Variants in UTP20 observed in about 807,000 individuals in gnomAD.
The protein encoded by UTP20 is UTP20 small subunit processome component, also known as small subunit processome component 20 homolog.
UTP20 carries 164 observed loss-of-function variants against 329.5 expected under a neutral mutation model. The ratio of observed to expected loss-of-function variants is 0.50; its 90% confidence interval spans 0.44 to 0.57. The LOEUF (loss-of-function observed/expected upper bound fraction) is 0.57. UTP20 is among the 20% of genes least tolerant of loss of function. The pLI, the probability that UTP20 is intolerant of heterozygous loss-of-function variation, is 0.00. For missense variants in UTP20, 3,055 were observed against 3,284.2 expected, an observed-to-expected ratio of 0.93 and a Z score of 1.71; for synonymous variants, 1,151 against 1,159.3, an observed-to-expected ratio of 0.99 and a Z score of 0.14.
chr12:101,334,863 A>C (rs1439619269), intron 29 of UTP20, among the ~76,000 whole-genome samples: 1 of 152,028 alleles, frequency 6.6e-6, no homozygotes, highest in Non-Finnish European at 1.5e-5. Context: ...AGTTCCAGCT[A>C]CTTGGAGGCT....
At chr12:101,284,625 A>G (rs1163090334) in intron 2 of UTP20, among the ~76,000 whole-genome samples, 1 of 152,136 alleles carries the variant, frequency 6.6e-6, no homozygotes, top group Non-Finnish European at 1.5e-5. Flanking sequence ...CTATATACAC[A>G]CATACGTACA....
At position 101,342,830 on chromosome 12, in the gene UTP20, T is replaced by G; in HGVS notation, c.4289T>G (p.Val1430Gly). Reference protein sequence around the residue: ...FESGLKYITDVVKLNAFDQRH... With the variant: ...FESGLKYITDGVKLNAFDQRH... ...AGTGGGTTAAAATATATTACTGATG[T>G]TGTCAAGGTAAGAAAGAAGGGTTTC... The change falls in exon 34 of 62, where the codon GTT becomes GGT. Residue 1430 changes from valine (V) to glycine (G), a missense_variant. Coordinates refer to ENST00000261637, the MANE Select transcript of UTP20 (RefSeq NM_014503.3). 1 of 1,613,406 alleles carries G rather than the reference T, an allele frequency of 6.2e-7. No homozygotes were observed. The highest frequency in any genetic ancestry group is 8.5e-7 in the Non-Finnish European group (1 of 1,179,722).
chr12:101,297,099 T>C (rs1323720187), intron 12 of UTP20, among the ~76,000 whole-genome samples: 1 of 152,182 alleles, frequency 6.6e-6, no homozygotes, highest in Non-Finnish European at 1.5e-5. Context: ...ATACTCGACT[T>C]TGAAACATCC....
Position 101,338,892 on chromosome 12 carries a change from C to A in UTP20, c.3948C>A (p.Ser1316Arg). 6.2e-7 allele frequency: 1 copy of A among 1,611,082 alleles called. No individual in the cohort carries two copies. The highest frequency in any genetic ancestry group is 1.1e-5 in the South Asian group (1 of 90,600). Residue 1316 changes from serine (S) to arginine (R), a missense_variant, in exon 31 of 62, where the codon AGC (serine) becomes AGA (arginine). Ser to Arg is a moderately radical substitution (Grantham distance 110). Coordinates refer to ENST00000261637, the MANE Select transcript of UTP20 (RefSeq NM_014503.3). The stretch of plus-strand genomic sequence containing the variant: ...AGTATCTCAGCAAAACCACAATAAG[C>A]GCAGAAAAGGTGAAAAAGAAAAAGA... The part of the protein sequence containing the change: ...ILQYLSKTTI[S>R]AEKVKKKKNR...
At chr12:101,321,085 C>A (rs772267126) in intron 24 of UTP20, 148 bp downstream of exon 24, 1 of 664,832 alleles carries the variant, frequency 1.5e-6, no homozygotes, top group Non-Finnish European at 2.4e-6. Context: ...GAAATGAAAA[C>A]GAGTAGTATA....
At chr12:101,367,729 A>G (rs1870142446) in intron 47 of UTP20, 131 bp from the exon 48 acceptor site, 1 of 660,830 alleles carries the variant, frequency 1.5e-6, no homozygotes, top group Admixed American at 2.3e-5. Context: ...GTCATTCCTT[A>G]AAAATGTTTT....
At chr12:101,321,884 A>G (rs1868380893) in intron 25 of UTP20, among the ~76,000 whole-genome samples, 1 of 151,152 alleles carries the variant, frequency 6.6e-6, no homozygotes, top group South Asian at 2.1e-4. Context: ...TGCTAAGATT[A>G]CAAATGTGAG....
Position 101,334,420 on chromosome 12 carries a change from C to T in UTP20, c.3562-5C>T. ...TGGTATTCTGTTTTTTACTTTGTCTCCTAGATCAGCAGGCTTGGATCTGAG... is the reference window on the plus strand; with the variant it reads ...TGGTATTCTGTTTTTTACTTTGTCTTCTAGATCAGCAGGCTTGGATCTGAG... On this transcript the variant is annotated splice_polypyrimidine_tract_variant and splice_region_variant and intron_variant, in intron 28 of 61. Coordinates refer to ENST00000261637, the MANE Select transcript of UTP20 (RefSeq NM_014503.3). 1.2e-6 allele frequency: 2 copies of T among 1,610,544 alleles called. No individual in the cohort carries two copies. The highest frequency in any genetic ancestry group is 1.7e-6 in the Non-Finnish European group (2 of 1,179,358).
At chr12:101,376,380 T>TA (rs1158108128) in intron 56 of UTP20, among the ~76,000 whole-genome samples, 1 of 152,226 alleles carries the variant, frequency 6.6e-6, no homozygotes, top group Non-Finnish European at 1.5e-5. Context: ...AATATATTGT[T>TA]ATGCGATTTT....
chr12:101,290,923 A>G, intron 8 of UTP20, 35 bp downstream of exon 8: 2 of 1,590,740 alleles, frequency 1.3e-6, no homozygotes, highest in Non-Finnish European at 1.7e-6. Context: ...GTTTTTGATA[A>G]GGAGTCTAAG....
At chr12:101,351,089 G>A (rs1869502938) in intron 38 of UTP20, among the ~76,000 whole-genome samples, 1 of 151,230 alleles carries the variant, frequency 6.6e-6, no homozygotes, top group Admixed American at 6.6e-5. Flanking sequence ...CTGGCCTGCA[G>A]TGGTTGATAT....
rs774383044 is a variant in UTP20 at position 101,370,444 on chromosome 12, C to T, written c.6568C>T (p.Leu2190Phe). 16 of 1,613,388 alleles carry T rather than the reference C, an allele frequency of 9.9e-6. No homozygotes were observed. Among genetic ancestry groups the T allele is most frequent in the African/African-American group, 1.3e-5 (1 of 74,894 alleles). Residue 2190 changes from leucine (L) to phenylalanine (F), a missense_variant, in exon 50 of 62, where the codon CTT becomes TTT. Physicochemically the swap from Leu to Phe is conservative, Grantham distance 22. Transcript: ENST00000261637. ...VVNCFKCVTI[L>F]VKKVKSYQIT... ...TTGTAACTTGCAGTGTGTGACCATA[C>T]TTGTCAAGAAAGTCAAGTCTTACCA...
intron 27 of UTP20, among the ~76,000 whole-genome samples, chr12:101,330,149 A>G (rs1868712015): frequency 1.3e-5 from 2 of 152,180 alleles, no homozygotes; most frequent in South Asian, 4.1e-4. Context: ...AATATAATAG[A>G]AAGTGATCAG....
intron 21 of UTP20, among the ~76,000 whole-genome samples, chr12:101,314,474 C>T (rs942453474): frequency 2.6e-5 from 4 of 151,684 alleles, no homozygotes; most frequent in Middle Eastern, 3.2e-3. Context: ...CTGGCTAACA[C>T]GGTGAAACCC....
intron 56 of UTP20, among the ~76,000 whole-genome samples, chr12:101,377,412 C>A (rs1386383222): frequency 1.3e-5 from 2 of 152,018 alleles, no homozygotes. Context: ...CTCACTGCAA[C>A]CTTTGCCTCC....
intron 29 of UTP20, among the ~76,000 whole-genome samples, chr12:101,336,875 C>G (rs773569414): frequency 6.6e-6 from 1 of 152,184 alleles, no homozygotes; most frequent in Admixed American, 6.5e-5. Flanking sequence ...CAGCAAGTTA[C>G]GTTGGTCAAG....
intron 29 of UTP20, among the ~76,000 whole-genome samples, chr12:101,336,031 A>G (rs1233106459): frequency 6.6e-6 from 1 of 152,194 alleles, no homozygotes; most frequent in Non-Finnish European, 1.5e-5. Context: ...TATTGAAGGT[A>G]TTGAGCCACA....
At chr12:101,373,554 T>C (rs1870369205) in intron 53 of UTP20, 31 bp from the exon 54 acceptor site, 5 of 1,612,202 alleles carry the variant, frequency 3.1e-6, no homozygotes, top group African/African-American at 1.3e-5. Context: ...AATTCCACTC[T>C]GAGTGCTCAC....
intron 22 of UTP20, among the ~76,000 whole-genome samples, chr12:101,318,743 A>G (rs189906778): frequency 1.3e-5 from 2 of 151,056 alleles, no homozygotes; most frequent in East Asian, 2.0e-4. Flanking sequence ...AGGTAAGAGA[A>G]TCACTTGAAC....
Sources: allele counts gnomAD v4.1 joint callset (sites outside exome capture counted in the v4.1 genomes callset), GRCh38; gene constraint gnomAD v4.1.1; transcripts MANE v1.5; gene names NCBI Gene and HGNC (gene_info 2026-07-23, HGNC 2026-07-21).